The following METTL21A variants were observed in gnomAD, a reference collection of about 807,000 sequenced individuals.
The protein encoded by METTL21A is methyltransferase 21A, HSPA lysine.
METTL21A carries 22 observed loss-of-function variants against 20.9 expected under a neutral mutation model. The observed-to-expected ratio is 1.05, with a 90% CI of 0.75 to 1.50. METTL21A has a LOEUF of 1.50. METTL21A is among the 40% of genes most tolerant of loss of function. METTL21A has a pLI of 0.00. For synonymous variants in METTL21A, 93 were observed against 102.0 expected (o/e 0.91, Z 0.53); for missense variants, 271 against 266.8 (o/e 1.02, Z -0.11).
At chr2:207,617,409 A>C (rs1018600392) in intron 3 of METTL21A, among the ~76,000 whole-genome samples, 3 of 152,224 alleles carry the variant, frequency 2.0e-5, no homozygotes, top group African/African-American at 7.2e-5. Context: ...AGGAAGGGAA[A>C]TCTGAGCTTA....
downstream of METTL21A, among the ~76,000 whole-genome samples, chr2:207,604,744 C>A (rs766977918): frequency 6.6e-6 from 1 of 152,208 alleles, no homozygotes; most frequent in African/African-American, 2.4e-5. Context: ...CCATTTTCTC[C>A]TCCCACCGCC....
downstream of METTL21A, among the ~76,000 whole-genome samples, chr2:207,607,171 G>A (rs1183450022): frequency 2.0e-5 from 3 of 152,054 alleles, no homozygotes; most frequent in Admixed American, 6.6e-5. Flanking sequence ...GGTCGATCAC[G>A]AGGTCAAGAG....
chr2:207,601,584 C>T (rs1460187680), intron 3 of METTL21A: 1 of 205,710 alleles, frequency 4.9e-6, no homozygotes, highest in African/African-American at 2.3e-5. Flanking sequence ...ACTTTATCCT[C>T]ATCACAACAT....
At chr2:207,617,546 T>G (rs1291398178) in intron 3 of METTL21A, among the ~76,000 whole-genome samples, 1 of 152,168 alleles carries the variant, frequency 6.6e-6, no homozygotes, top group African/African-American at 2.4e-5. Flanking sequence ...TGAGAAAAAG[T>G]GAGGCTGAAG....
chr2:207,591,870 T>G (rs1191277229), intron 3 of METTL21A, among the ~76,000 whole-genome samples: 1 of 152,196 alleles, frequency 6.6e-6, no homozygotes, highest in Non-Finnish European at 1.5e-5. Flanking sequence ...TTTAAATGGT[T>G]TAGATCAGGG....
intron 3 of METTL21A, among the ~76,000 whole-genome samples, chr2:207,619,164 A>G (rs1000480716): frequency 7.5e-6 from 1 of 133,644 alleles, no homozygotes; most frequent in African/African-American, 2.8e-5. Flanking sequence ...TAATATCTAC[A>G]TAGCACCGCT....
At chr2:207,589,186 T>C (rs922996977) in intron 3 of METTL21A, among the ~76,000 whole-genome samples, 5 of 152,182 alleles carry the variant, frequency 3.3e-5, no homozygotes, top group East Asian at 1.9e-4. Flanking sequence ...GAGGCCTTCA[T>C]TGGATCTCAC....
chr2:207,603,118 A>G (rs1216114529), intron 3 of METTL21A: 3 of 211,188 alleles, frequency 1.4e-5, no homozygotes, highest in Non-Finnish European at 2.9e-5. Flanking sequence ...TGAGGGAAAT[A>G]CATTTCTAAT....
Position 207,624,366 on chromosome 2 carries a change from C to CG in METTL21A, c.9dup (p.Val4ArgfsTer4). 6.2e-7 allele frequency: 1 copy of CG among 1,612,960 alleles called. No individual in the cohort carries two copies. The highest frequency in any genetic ancestry group is 1.1e-5 in the South Asian group (1 of 90,936). On this transcript the variant is annotated frameshift_variant, in exon 2 of 4. Coordinates refer to ENST00000406927, the Ensembl canonical transcript of METTL21A. LOFTEE classifies it high-confidence loss of function. ...AATTCCGTGGTCTCCTCATAGGGCA[C>CG]GAGGGCCATTCCGCCTGCACCCCGC...
chr2:207,616,108 T>G (rs1268686332), intron 3 of METTL21A, among the ~76,000 whole-genome samples: 1 of 152,006 alleles, frequency 6.6e-6, no homozygotes, highest in East Asian at 1.9e-4. Flanking sequence ...TTTTGGTATT[T>G]TGTCATGTGA....
chr2:207,604,605 T>C (rs2087753020), downstream of METTL21A, among the ~76,000 whole-genome samples: 1 of 152,238 alleles, frequency 6.6e-6, no homozygotes, highest in African/African-American at 2.4e-5. Context: ...TTAATTAAGA[T>C]GCAATTCACA....
At chr2:207,596,021 G>A (rs2086092870) in intron 3 of METTL21A, among the ~76,000 whole-genome samples, 1 of 152,168 alleles carries the variant, frequency 6.6e-6, no homozygotes, top group Non-Finnish European at 1.5e-5. Context: ...TGTTACCTCT[G>A]CTTTTGGTGT....
intron 3 of METTL21A, among the ~76,000 whole-genome samples, chr2:207,587,484 A>G (rs534145232): frequency 9.2e-5 from 14 of 152,214 alleles, no homozygotes; most frequent in Non-Finnish European, 1.3e-4. Flanking sequence ...ATCTATTCAA[A>G]AGAAAGGAAA....
chr2:207,616,783 T>C (rs1460677418), intron 3 of METTL21A, among the ~76,000 whole-genome samples: 2 of 151,752 alleles, frequency 1.3e-5, no homozygotes, highest in Non-Finnish European at 2.9e-5. Flanking sequence ...GAGGCAGAGG[T>C]TGCAGTGAAG....
chr2:207,597,153 C>A (rs924331502), intron 3 of METTL21A: 19 of 1,376,058 alleles, frequency 1.4e-5, no homozygotes, highest in Non-Finnish European at 1.7e-5. Context: ...CTAAACATTT[C>A]TTTTTTTCTA....
intron 2 of METTL21A, 21 bp from the exon 3 acceptor site, chr2:207,621,938 A>G (rs757004294): frequency 1.2e-5 from 20 of 1,603,536 alleles, no homozygotes; most frequent in Middle Eastern, 3.3e-4. Context: ...ACACAGTGTG[A>G]TGACGATTAA....
chr2:207,596,793 A>AAT, intron 3 of METTL21A: 1 of 1,131,112 alleles, frequency 8.8e-7, no homozygotes. Context: ...TCCAATGCTT[A>AAT]ATATATACTA....
intron 3 of METTL21A, among the ~76,000 whole-genome samples, chr2:207,619,388 C>A (rs2090199504): frequency 6.6e-6 from 1 of 152,056 alleles, no homozygotes; most frequent in Non-Finnish European, 1.5e-5. Flanking sequence ...CCTGACATTT[C>A]AAAATCACTA....
intron 3 of METTL21A, chr2:207,598,486 TA>T (rs143222694): frequency 0.019 from 3,260 of 168,830 alleles, 32 homozygotes; most frequent in African/African-American, 0.035. Context: ...CAGTTACTCT[TA>T]AAAAAAAAAA....
Sources: allele counts gnomAD v4.1 joint callset (sites outside exome capture counted in the v4.1 genomes callset), GRCh38; gene constraint gnomAD v4.1.1; transcripts MANE v1.5; gene names NCBI Gene and HGNC (gene_info 2026-07-23, HGNC 2026-07-21).